Variants in ATXN7L1 observed in about 807,000 individuals in gnomAD.
The protein encoded by ATXN7L1 is ataxin-7-like protein 1.
A neutral mutation model predicts 70.8 loss-of-function variants in ATXN7L1; 15 were observed. The ratio of observed to expected loss-of-function variants is 0.21; its 90% CI spans 0.14 to 0.33. The LOEUF is 0.33. Among genes scored for constraint, ATXN7L1 ranks in the 10% least tolerant of loss-of-function variants. The pLI is 1.00. For synonymous variants in ATXN7L1, 440 were observed against 445.1 expected (o/e 0.99, Z 0.14); for missense variants, 975 against 1,097.1 (o/e 0.89, Z 1.57).
chr7:105,757,560 C>A (rs1160444922), intron 3 of ATXN7L1, among the ~76,000 whole-genome samples: 1 of 139,036 alleles, frequency 7.2e-6, no homozygotes, highest in East Asian at 2.1e-4. Flanking sequence ...CAGTTACCAT[C>A]CTAGTCTACC....
At chr7:105,749,501 G>A (rs1314180210) in intron 3 of ATXN7L1, among the ~76,000 whole-genome samples, 2 of 151,566 alleles carry the variant, frequency 1.3e-5, no homozygotes, top group East Asian at 1.9e-4. Flanking sequence ...CTGAGAAAAG[G>A]GGCCACTAAG....
intron 7 of ATXN7L1, among the ~76,000 whole-genome samples, chr7:105,630,466 A>G (rs1796422668): frequency 6.6e-6 from 1 of 152,178 alleles, no homozygotes; most frequent in African/African-American, 2.4e-5. Context: ...TTTTTAAAAA[A>G]TATTTTTTGG....
At chr7:105,678,698 A>G (rs1213519903) in intron 3 of ATXN7L1, among the ~76,000 whole-genome samples, 1 of 152,182 alleles carries the variant, frequency 6.6e-6, no homozygotes. Context: ...GGGAAGGTTC[A>G]TTGCAGCTGG....
intron 3 of ATXN7L1, among the ~76,000 whole-genome samples, chr7:105,759,228 T>C (rs1320128489): frequency 2.7e-5 from 4 of 150,740 alleles, no homozygotes; most frequent in Non-Finnish European, 5.9e-5. Context: ...GGTTGATGAA[T>C]GTTGATACAG....
In ATXN7L1 at chr7:105,667,665, C is replaced by T. The variant is rs987386587; in HGVS notation, c.356-2377G>A. On this transcript the variant is annotated intron_variant, in intron 3 of 11. Transcript: ENST00000419735. ...GGTGAGCCGAGATCCCGCCACTGCA[C>T]TCCAGCCTGGGCGACAGAGCGAGAC... Among the ~76,000 whole-genome samples the T allele has an allele frequency of 8.7e-5, 12 of 137,892 alleles. 1 individual carries two copies. Among genetic ancestry groups the T allele is most frequent in the Non-Finnish European group, 1.5e-4 (10 of 65,232 alleles). The allele number at this position is 137,892 out of a possible 152,430, so 90.5% of individuals were successfully genotyped here. A position where few individuals can be genotyped will look rare whatever the true frequency, so the allele number is the denominator to read the frequency against.
intron 3 of ATXN7L1, among the ~76,000 whole-genome samples, chr7:105,733,544 ATCC>A (rs1563048586): frequency 6.7e-5 from 9 of 134,680 alleles, no homozygotes; most frequent in African/African-American, 2.6e-4. Flanking sequence ...CCATCCACCC[ATCC>A]ATCCATCCAC....
chr7:105,787,541 C>T (rs938194988), intron 3 of ATXN7L1, among the ~76,000 whole-genome samples: 5 of 152,060 alleles, frequency 3.3e-5, no homozygotes, highest in African/African-American at 7.2e-5. Context: ...TACATATACA[C>T]GTGTTTGCAG....
At chr7:105,692,424 T>TCCTCCCTCCCTC (rs1554431695) in intron 3 of ATXN7L1, among the ~76,000 whole-genome samples, 6 of 88,176 alleles carry the variant, frequency 6.8e-5, no homozygotes, top group African/African-American at 2.7e-4. Context: ...CTTCCTTCCT[T>TCCTCCCTCCCTC]CCTCCCTCCC....
intron 9 of ATXN7L1, among the ~76,000 whole-genome samples, chr7:105,619,226 C>G (rs1202880003): frequency 7.7e-6 from 1 of 129,396 alleles, no homozygotes; most frequent in African/African-American, 2.8e-5. Flanking sequence ...CAGCTCACTG[C>G]AAACTCTGCC....
At chr7:105,788,271 CTG>C (rs764574864) in intron 3 of ATXN7L1, 1 of 242,440 alleles carries the variant, frequency 4.1e-6, no homozygotes, top group Non-Finnish European at 8.2e-6. Flanking sequence ...GAGAAAATGT[CTG>C]GCTGCAGGAG....
At chr7:105,727,917 A>G (rs1290830815) in intron 3 of ATXN7L1, among the ~76,000 whole-genome samples, 1 of 150,842 alleles carries the variant, frequency 6.6e-6, no homozygotes, top group Admixed American at 6.6e-5. Flanking sequence ...AACCGTATGT[A>G]TGTTTAGGGT....
At chr7:105,785,168 T>C (rs1287469955) in intron 3 of ATXN7L1, among the ~76,000 whole-genome samples, 2 of 152,200 alleles carry the variant, frequency 1.3e-5, no homozygotes, top group Non-Finnish European at 2.9e-5. Flanking sequence ...AAAGATTACA[T>C]GCTCAAAGCG....
intron 2 of ATXN7L1, among the ~76,000 whole-genome samples, chr7:105,853,171 A>G (rs1050657842): frequency 6.6e-6 from 1 of 152,254 alleles, no homozygotes; most frequent in Non-Finnish European, 1.5e-5. Context: ...CAACACTGTG[A>G]ATGTCCTTAG....
In ATXN7L1 at chr7:105,761,396, T is replaced by C. The variant is rs751375389; in HGVS notation, c.355+27208A>G. 4.3e-6 allele frequency: 7 copies of C among 1,614,160 alleles called. No individual in the cohort carries two copies. In the South Asian group the frequency reaches 7.7e-5, roughly 18 times the overall value. On this transcript the variant is annotated intron_variant, in intron 3 of 11. Coordinates refer to ENST00000419735, the MANE Select transcript of ATXN7L1 (RefSeq NM_020725.2). ...TCCATTCTCACACCTGATGCTTCTCTATGGCTTGGCTGCTCTCTGGTCCAC... is the reference window on the plus strand; with the variant it reads ...TCCATTCTCACACCTGATGCTTCTCCATGGCTTGGCTGCTCTCTGGTCCAC...
At chr7:105,740,581 A>C (rs1043593807) in intron 3 of ATXN7L1, among the ~76,000 whole-genome samples, 4 of 152,032 alleles carry the variant, frequency 2.6e-5, no homozygotes, top group Non-Finnish European at 5.9e-5. Flanking sequence ...AAAACCACTG[A>C]TCCAAGAGTT....
At chr7:105,662,012 TTC>T (rs1291972475) in intron 4 of ATXN7L1, among the ~76,000 whole-genome samples, 2 of 43,804 alleles carry the variant, frequency 4.6e-5, no homozygotes, top group Non-Finnish European at 1.0e-4. Context: ...ATTCTTTCTT[TTC>T]TTTCTTTCTT....
chr7:105,679,528 G>C (rs1311541407), intron 3 of ATXN7L1, among the ~76,000 whole-genome samples: 1 of 152,186 alleles, frequency 6.6e-6, no homozygotes, highest in African/African-American at 2.4e-5. Context: ...AGAGAGAGTA[G>C]AGAGGTCATT....
At chr7:105,727,703 G>A in intron 3 of ATXN7L1, among the ~76,000 whole-genome samples, 1 of 115,076 alleles carries the variant, frequency 8.7e-6, no homozygotes, top group Admixed American at 9.9e-5. Context: ...AAACATACAG[G>A]AATACTAGAT....
At chr7:105,792,117 C>T (rs1172849855) in intron 2 of ATXN7L1, among the ~76,000 whole-genome samples, 1 of 152,194 alleles carries the variant, frequency 6.6e-6, no homozygotes, top group East Asian at 1.9e-4. Flanking sequence ...CACAGTCACA[C>T]ACATCTGTTA....
Sources: allele counts gnomAD v4.1 joint callset (sites outside exome capture counted in the v4.1 genomes callset), GRCh38; gene constraint gnomAD v4.1.1; transcripts MANE v1.5; gene names NCBI Gene and HGNC (gene_info 2026-07-23, HGNC 2026-07-21).